SLC27A2: variants seen among roughly 807,000 people sequenced by gnomAD.
The protein encoded by SLC27A2 is solute carrier family 27 member 2, also known as long-chain fatty acid transport protein 2.
Under a neutral mutation model 60.0 loss-of-function variants are expected in SLC27A2, and 54 were observed. The observed-to-expected ratio is 0.90, with a 90% CI of 0.72 to 1.13. The LOEUF (loss-of-function observed/expected upper bound fraction) is 1.13. Among genes scored for constraint, SLC27A2 ranks in the 50% most tolerant of loss-of-function variants. The pLI is 0.00. For missense variants in SLC27A2, 739 were observed against 777.6 expected, an observed-to-expected ratio of 0.95 and a Z score of 0.59; for synonymous variants, 297 against 297.6, an observed-to-expected ratio of 1.00 and a Z score of 0.02.
intron 8 of SLC27A2, among the ~76,000 whole-genome samples, chr15:50,231,381 C>G (rs935654507): frequency 5.9e-5 from 9 of 151,952 alleles, no homozygotes; most frequent in Non-Finnish European, 1.2e-4. Context: ...TCCTAACCTC[C>G]GGTGATCCAC....
intron 8 of SLC27A2, among the ~76,000 whole-genome samples, chr15:50,232,928 T>C (rs2045325633): frequency 6.6e-6 from 1 of 152,172 alleles, no homozygotes; most frequent in Non-Finnish European, 1.5e-5. Flanking sequence ...CAAGGGAGGC[T>C]CCTGTCTCCT....
chr15:50,200,280 C>T (rs1451476877), intron 2 of SLC27A2, among the ~76,000 whole-genome samples: 16 of 152,018 alleles, frequency 1.1e-4, no homozygotes, highest in Admixed American at 1.0e-3. Context: ...TATAAATAAA[C>T]AGCCAGGCAT....
At chr15:50,224,754 C>T (rs1431885375) in intron 5 of SLC27A2, among the ~76,000 whole-genome samples, 1 of 152,168 alleles carries the variant, frequency 6.6e-6, no homozygotes, top group Non-Finnish European at 1.5e-5. Flanking sequence ...GTCACACTAG[C>T]CACATTTCCA....
intron 4 of SLC27A2, among the ~76,000 whole-genome samples, chr15:50,219,220 A>C (rs1235270726): frequency 6.6e-6 from 1 of 152,214 alleles, no homozygotes; most frequent in African/African-American, 2.4e-5. Context: ...AAGAAGTATA[A>C]GCATTTAATT....
rs752554456 is a variant in SLC27A2 at position 50,236,060 on chromosome 15, C to A, written c.1827C>A (p.Ile609=). ...TGTATGTGCCTATGACTGAGGACAT[C>A]TATAATGCCATAAGTGCTAAAACCC... ...AKMYVPMTED[I]YNAISAKTLK... Residue 609 remains isoleucine (I), a synonymous_variant, in exon 10 of 10, where the codon ATC becomes ATA. Transcript: ENST00000267842. The A allele has an allele frequency of 8.1e-6, 13 of 1,612,752 alleles. No homozygotes were observed. Among genetic ancestry groups the A allele is most frequent in the Non-Finnish European group, 1.1e-5 (13 of 1,179,336 alleles).
At chr15:50,208,818 T>G (rs193159220) in intron 4 of SLC27A2, among the ~76,000 whole-genome samples, 177 of 152,378 alleles carry the variant, frequency 1.2e-3, no homozygotes, top group African/African-American at 4.1e-3. Context: ...GCCTTTGCTT[T>G]CAAAGCGACT....
Position 50,219,883 on chromosome 15 carries a change from C to T in SLC27A2, c.973-3082C>T, listed in dbSNP as rs1475872973. Reference sequence around the variant, plus strand: ...CTAATGTGACGAAGAAGGTTTTTTTCTTGTTTAAAAAAAATAAGCTGGTGA... The same window carrying T: ...CTAATGTGACGAAGAAGGTTTTTTTTTTGTTTAAAAAAAATAAGCTGGTGA... On this transcript the variant is annotated intron_variant, in intron 4 of 9. Coordinates refer to ENST00000267842, the MANE Select transcript of SLC27A2 (RefSeq NM_003645.4). Among the ~76,000 whole-genome samples the T allele has an allele frequency of 2.6e-5, 4 of 152,136 alleles. No individual in the cohort carries two copies. In the South Asian group the frequency reaches 6.2e-4, roughly 24 times the overall value.
At chr15:50,220,500 G>C (rs1482837867) in intron 4 of SLC27A2, among the ~76,000 whole-genome samples, 1 of 152,206 alleles carries the variant, frequency 6.6e-6, no homozygotes, top group Non-Finnish European at 1.5e-5. Flanking sequence ...GGCTGCTGGC[G>C]GGCTGCATGT....
chr15:50,202,667 T>C (rs377342623), intron 3 of SLC27A2, 22 bp downstream of exon 3: 7 of 1,608,626 alleles, frequency 4.4e-6, no homozygotes, highest in East Asian at 2.2e-5. Context: ...CTACAAAATG[T>C]TGGAGGCGAG....
chr15:50,229,113 T>A (rs1319753866), intron 8 of SLC27A2, 71 bp downstream of exon 8: 1 of 962,136 alleles, frequency 1.0e-6, no homozygotes, highest in Non-Finnish European at 1.7e-6. Flanking sequence ...AAGGCGAAGT[T>A]TGTCATTGCT....
In SLC27A2 at chr15:50,226,400, AGT is replaced by A. The variant is rs574438626; in HGVS notation, c.1258+326_1258+327del. Among the ~76,000 whole-genome samples the A allele has an allele frequency of 2.6e-5, 4 of 152,308 alleles. No homozygotes were observed. The South Asian group carries it at 8.3e-4, about 32-fold the overall frequency. On this transcript the variant is annotated intron_variant, in intron 6 of 9. Transcript: ENST00000267842. The stretch of plus-strand genomic sequence containing the variant: ...GCTTTAACAACTGTGCGTTTGTGTA[AGT>A]GTGCATAAATCATTATTCAGTAAAA...
At chr15:50,199,339 T>G (rs2045046997) in intron 2 of SLC27A2, among the ~76,000 whole-genome samples, 1 of 151,890 alleles carries the variant, frequency 6.6e-6, no homozygotes, top group African/African-American at 2.4e-5. Context: ...CCAGGTGTGG[T>G]AGCGGGCACC....
chr15:50,208,324 G>A (rs550885347), intron 4 of SLC27A2, among the ~76,000 whole-genome samples: 1 of 152,302 alleles, frequency 6.6e-6, no homozygotes, highest in East Asian at 1.9e-4. Flanking sequence ...TTCAGATTTG[G>A]CCCCAGGTAC....
intron 4 of SLC27A2, among the ~76,000 whole-genome samples, chr15:50,216,318 C>T (rs1171178747): frequency 1.3e-5 from 2 of 151,850 alleles, no homozygotes; most frequent in East Asian, 1.9e-4. Context: ...CAGATGTTGG[C>T]ATGGATGCAG....
chr15:50,182,811 C>A lies in SLC27A2; in HGVS notation c.384C>A (p.Gly128=). 1.2e-6 allele frequency: 2 copies of A among 1,613,578 alleles called. No individual in the cohort carries two copies. The highest frequency in any genetic ancestry group is 1.7e-6 in the Non-Finnish European group (2 of 1,179,960). Residue 128 remains glycine (G), a synonymous_variant, in exon 1 of 10, where the codon GGC becomes GGA. Transcript: ENST00000267842. ...TGTGGCTGGGGCTGGTGAAGCTGGGCTGTGCCATGGCGTGCCTCAATTACA... is the reference window on the plus strand; with the variant it reads ...TGTGGCTGGGGCTGGTGAAGCTGGGATGTGCCATGGCGTGCCTCAATTACA... ...VWLWLGLVKL[G]CAMACLNYNI... is the part of the protein sequence containing the mutation.
intron 7 of SLC27A2, 30 bp from the exon 8 acceptor site, chr15:50,228,914 TG>T: frequency 1.4e-6 from 2 of 1,477,256 alleles, no homozygotes; most frequent in South Asian, 1.1e-5. Context: ...AAACCACCAG[TG>T]ACCTCTGCTA....
chr15:50,188,700 C>T (rs989808496), intron 1 of SLC27A2, among the ~76,000 whole-genome samples: 41 of 152,210 alleles, frequency 2.7e-4, no homozygotes, highest in African/African-American at 4.1e-4. Context: ...TGGCTCATGC[C>T]TGTAATCCCA....
At chr15:50,210,843 T>C (rs1217814211) in intron 4 of SLC27A2, among the ~76,000 whole-genome samples, 1 of 152,070 alleles carries the variant, frequency 6.6e-6, no homozygotes, top group Non-Finnish European at 1.5e-5. Flanking sequence ...GGAAGCTGGG[T>C]GAGGCCTGTG....
chr15:50,229,276 A>G (rs890776815), intron 8 of SLC27A2, among the ~76,000 whole-genome samples: 4 of 152,212 alleles, frequency 2.6e-5, no homozygotes, highest in Admixed American at 2.6e-4. Context: ...GCTCTCAGGC[A>G]AACAAAGTCT....
Sources: allele counts gnomAD v4.1 joint callset (sites outside exome capture counted in the v4.1 genomes callset), GRCh38; gene constraint gnomAD v4.1.1; transcripts MANE v1.5; gene names NCBI Gene and HGNC (gene_info 2026-07-23, HGNC 2026-07-21).